The following LRP6 variants were observed in gnomAD, a reference collection of about 807,000 sequenced individuals.
The protein encoded by LRP6 is low-density lipoprotein receptor-related protein 6.
LRP6 carries 43 observed loss-of-function variants against 184.1 expected under a neutral mutation model. That is an observed-to-expected ratio of 0.23 (90% CI 0.18 to 0.30). The LOEUF (loss-of-function observed/expected upper bound fraction) is 0.30. Ranked by LOEUF, LRP6 falls within the 10% of genes least tolerant of loss-of-function variation. LRP6 has a pLI of 1.00. For synonymous variants in LRP6, 719 were observed against 684.9 expected, an observed-to-expected ratio of 1.05 and a Z score of -0.78; for missense variants, 1,571 against 2,005.3, an observed-to-expected ratio of 0.78 and a Z score of 4.14.
chr12:12,207,858 T>A (rs1864108299), intron 2 of LRP6, among the ~76,000 whole-genome samples: 2 of 152,218 alleles, frequency 1.3e-5, no homozygotes, highest in Non-Finnish European at 2.9e-5. Context: ...ACTAACTTGC[T>A]GGTGTTCAGG....
At chr12:12,184,460 G>C (rs757586568) in intron 4 of LRP6, among the ~76,000 whole-genome samples, 6 of 151,754 alleles carry the variant, frequency 4.0e-5, no homozygotes, top group Non-Finnish European at 8.8e-5. Flanking sequence ...AATAAGTACA[G>C]AGTCAAATGG....
chr12:12,121,303 G>C lies in LRP6; in HGVS notation c.4665C>G (p.Gly1555=). 1 of 1,614,186 alleles carries C rather than the reference G, an allele frequency of 6.2e-7. No homozygotes were observed. The highest frequency in any genetic ancestry group is 8.5e-7 in the Non-Finnish European group (1 of 1,180,042). The change falls in exon 23 of 23, where the codon GGC becomes GGG. Residue 1555 remains glycine, a synonymous_variant. Transcript: ENST00000261349. ...RRMTSVATAK[G]YTSDLNYDSE... is the part of the protein sequence containing the mutation. Reference sequence around the variant, plus strand: ...AATCATAGTTCAAGTCACTGGTATAGCCCTTGGCTGTTGCCACTGAGGTCA... The same window carrying C: ...AATCATAGTTCAAGTCACTGGTATACCCCTTGGCTGTTGCCACTGAGGTCA...
chr12:12,241,062 T>C (rs1157880335), intron 2 of LRP6, among the ~76,000 whole-genome samples: 2 of 152,190 alleles, frequency 1.3e-5, no homozygotes, highest in Non-Finnish European at 2.9e-5. Flanking sequence ...CTAGGCTAAA[T>C]GGACTGATTA....
At chr12:12,216,157 T>C (rs1288420288) in intron 2 of LRP6, among the ~76,000 whole-genome samples, 1 of 152,184 alleles carries the variant, frequency 6.6e-6, no homozygotes, top group Non-Finnish European at 1.5e-5. Flanking sequence ...TTTACTTCAC[T>C]TTCTTCTGTC....
chr12:12,211,237 C>A (rs1474890448), intron 2 of LRP6, among the ~76,000 whole-genome samples: 1 of 152,126 alleles, frequency 6.6e-6, no homozygotes, highest in African/African-American at 2.4e-5. Flanking sequence ...CAGTTTGAGA[C>A]CAGCCCGGCC....
chr12:12,138,312 C>A lies in LRP6; in HGVS notation c.3607+13G>T, dbSNP rs1949875530. ...ATGATTCCTCCAATTAGCTTTATCCCATTAACACTTACTGTATTCTTGAAG... is the reference window on the plus strand; with the variant it reads ...ATGATTCCTCCAATTAGCTTTATCCAATTAACACTTACTGTATTCTTGAAG... On this transcript the variant is annotated intron_variant, in intron 16 of 22. Coordinates refer to ENST00000261349, the MANE Select transcript of LRP6 (RefSeq NM_002336.3). 1 of 1,596,340 alleles carries A rather than the reference C, an allele frequency of 6.3e-7. No homozygotes were observed. The highest frequency in any genetic ancestry group is 8.6e-7 in the Non-Finnish European group (1 of 1,163,820).
chr12:12,126,935 T>C lies in LRP6; in HGVS notation c.4082-14A>G, dbSNP rs1565530219. On this transcript the variant is annotated splice_polypyrimidine_tract_variant and intron_variant, in intron 19 of 22. Transcript: ENST00000261349. The stretch of plus-strand genomic sequence containing the variant: ...CTTCAGTCGGATCTACAATGAAGAA[T>C]GCAGTATGGTTATTTAATAGAAAAA... The C allele has an allele frequency of 1.3e-6, 2 of 1,588,700 alleles. No individual in the cohort carries two copies. Among genetic ancestry groups the C allele is most frequent in the Non-Finnish European group, 8.6e-7 (1 of 1,156,738 alleles).
At chr12:12,244,187 G>T in intron 2 of LRP6, 75 bp downstream of exon 2, 2 of 1,425,696 alleles carry the variant, frequency 1.4e-6, no homozygotes, top group Non-Finnish European at 2.0e-6. Flanking sequence ...TCTCATAGGG[G>T]TCAGGGTGGT....
At chr12:12,157,111 T>C (rs1232344179) in intron 12 of LRP6, among the ~76,000 whole-genome samples, 1 of 152,182 alleles carries the variant, frequency 6.6e-6, no homozygotes, top group African/African-American at 2.4e-5. Context: ...TACCTTCTCT[T>C]TAGGTAACCT....
chr12:12,131,789 T>G (rs755897175), intron 18 of LRP6, 32 bp downstream of exon 18: 4 of 1,561,894 alleles, frequency 2.6e-6, no homozygotes, highest in Non-Finnish European at 2.6e-6. Context: ...AAAAAAGGAT[T>G]GCATGCTGAG....
rs1949646153 is a variant in LRP6, at chr12:12,124,494, C to A, written c.4547+71G>T. 3 of 1,047,516 alleles carry A rather than the reference C, an allele frequency of 2.9e-6. No individual in the cohort carries two copies. In the South Asian group the frequency reaches 3.8e-5, roughly 13 times the overall value. The allele number at this position is 1,047,516 out of a possible 1,614,324, so 64.9% of individuals were successfully genotyped here. The stretch of plus-strand genomic sequence containing the variant: ...GTGACCATCGTCTACTCATTTGGGG[C>A]TATATCAGGTCCACAACTGAAACAC... On this transcript the variant is annotated intron_variant, in intron 22 of 22. Coordinates refer to ENST00000261349, the MANE Select transcript of LRP6 (RefSeq NM_002336.3).
At chr12:12,252,316 T>G (rs1865343534) in intron 1 of LRP6, among the ~76,000 whole-genome samples, 1 of 152,246 alleles carries the variant, frequency 6.6e-6, no homozygotes, top group South Asian at 2.1e-4. Flanking sequence ...AACAACTGTC[T>G]TTGAGATTTC....
At chr12:12,132,428 C>T (rs1429994255) in intron 17 of LRP6, among the ~76,000 whole-genome samples, 1 of 152,172 alleles carries the variant, frequency 6.6e-6, no homozygotes, top group African/African-American at 2.4e-5. Flanking sequence ...CTAAGCTTCT[C>T]AAAGGATAGT....
intron 2 of LRP6, among the ~76,000 whole-genome samples, chr12:12,224,370 A>C (rs530953495): frequency 6.6e-6 from 1 of 151,208 alleles, no homozygotes; most frequent in Non-Finnish European, 1.5e-5. Context: ...CAATTCTACT[A>C]AACAGTACAG....
chr12:12,203,703 G>C (rs1233294626), intron 2 of LRP6, among the ~76,000 whole-genome samples: 3 of 152,140 alleles, frequency 2.0e-5, no homozygotes, highest in Non-Finnish European at 4.4e-5. Context: ...GAGAGGCGGA[G>C]GTTGCAGTAA....
intron 1 of LRP6, among the ~76,000 whole-genome samples, chr12:12,261,264 C>A (rs1238005539): frequency 3.3e-5 from 5 of 151,970 alleles, no homozygotes; most frequent in Admixed American, 3.3e-4. Flanking sequence ...ACTAAAAATA[C>A]AAAAAATTAA....
chr12:12,224,693 G>A (rs892624066), intron 2 of LRP6, among the ~76,000 whole-genome samples: 6 of 152,064 alleles, frequency 3.9e-5, no homozygotes, highest in Admixed American at 2.0e-4. Context: ...GATATAACAT[G>A]GGTTCACTTA....
rs887345586 is a variant in LRP6, at chr12:12,204,299, G to A, written c.450-899C>T. ...AAAGTCAAAAAAAAAAAAAAAAAAAGGAGGGGGGGGTCAGGAACCAATCTA... is the reference window on the plus strand; with the variant it reads ...AAAGTCAAAAAAAAAAAAAAAAAAAAGAGGGGGGGGTCAGGAACCAATCTA... On this transcript the variant is annotated intron_variant, in intron 2 of 22. Coordinates refer to ENST00000261349, the MANE Select transcript of LRP6 (RefSeq NM_002336.3). Among the ~76,000 whole-genome samples, 693 of 130,198 alleles carry A rather than the reference G, an allele frequency of 5.3e-3. 5 individuals carry two copies. Among genetic ancestry groups the A allele is most frequent in the Non-Finnish European group, 9.2e-3 (547 of 59,452 alleles). The allele number at this position is 130,198 out of a possible 152,430, so 85.4% of individuals were successfully genotyped here.
chr12:12,181,404 C>T lies in LRP6; in HGVS notation c.1012G>A (p.Asp338Asn). Reference sequence around the variant, plus strand: ...GTATCCAAAGAAATGCGTCTCAAGTCTGTCCTTCGAGCTAAAAGCAATAAT... The same window carrying T: ...GTATCCAAAGAAATGCGTCTCAAGTTTGTCCTTCGAGCTAAAAGCAATAAT... ...TELLLLARRTDLRRISLDTPD... is the reference protein window; with the variant it reads ...TELLLLARRTNLRRISLDTPD... Residue 338 changes from aspartate to asparagine, a missense_variant, in exon 6 of 23, where the codon GAC becomes AAC. Physicochemically the swap from Asp to Asn is conservative, Grantham distance 23. Transcript: ENST00000261349. 1 of 1,448,326 alleles carries T rather than the reference C, an allele frequency of 6.9e-7. No homozygotes were observed. Among genetic ancestry groups the T allele is most frequent in the Non-Finnish European group, 9.7e-7 (1 of 1,029,378 alleles). 89.7% of individuals were successfully genotyped at this position (1,448,326 alleles called of 1,614,324 possible).
Sources: allele counts gnomAD v4.1 joint callset (sites outside exome capture counted in the v4.1 genomes callset), GRCh38; gene constraint gnomAD v4.1.1; transcripts MANE v1.5; gene names NCBI Gene and HGNC (gene_info 2026-07-23, HGNC 2026-07-21).